CAST: variants seen among roughly 807,000 people sequenced by gnomAD.
CAST encodes calpastatin.
Under a neutral mutation model 119.6 loss-of-function variants are expected in CAST, and 76 were observed. The observed-to-expected ratio is 0.64, with a 90% CI of 0.53 to 0.77. The LOEUF (loss-of-function observed/expected upper bound fraction) is 0.77. CAST is among the 30% of genes least tolerant of loss of function. The pLI, the probability that CAST is intolerant of heterozygous loss-of-function variation, is 0.00. For synonymous variants in CAST, 319 were observed against 331.6 expected (o/e 0.96, Z 0.41); for missense variants, 953 against 946.5 (o/e 1.01, Z -0.09).
At chr5:96,095,281 A>G in the CAST span, among the ~76,000 whole-genome samples, 1 of 152,072 alleles carries the variant, frequency 6.6e-6, no homozygotes, top group Non-Finnish European at 1.5e-5. Context: ...AACACTTGTA[A>G]AAGTGTTCTA....
the CAST span, among the ~76,000 whole-genome samples, chr5:96,167,130 AC>A: frequency 1.3e-5 from 2 of 152,192 alleles, no homozygotes; most frequent in Non-Finnish European, 2.9e-5. Context: ...GTATTAAAGT[AC>A]TAAGAATTGG....
At chr5:96,718,007 C>T (rs1463158653) in intron 3 of CAST, among the ~76,000 whole-genome samples, 1 of 151,972 alleles carries the variant, frequency 6.6e-6, no homozygotes, top group Admixed American at 6.5e-5. Context: ...GTGATTAGAC[C>T]TGGAGTAGGG....
chr5:96,588,923 C>A (rs1429171567), intron 1 of CAST, among the ~76,000 whole-genome samples: 1 of 152,194 alleles, frequency 6.6e-6, no homozygotes, highest in Non-Finnish European at 1.5e-5. Flanking sequence ...TGGAATTCTG[C>A]AGTTAACATT....
At chr5:96,176,047 T>A in the CAST span, among the ~76,000 whole-genome samples, 1 of 152,192 alleles carries the variant, frequency 6.6e-6, no homozygotes, top group East Asian at 1.9e-4. Context: ...TCTAGCTCTA[T>A]TTTGGAGGCT....
chr5:96,087,545 T>A, the CAST span, among the ~76,000 whole-genome samples: 9 of 152,174 alleles, frequency 5.9e-5, no homozygotes, highest in Admixed American at 6.5e-5. Flanking sequence ...AAATCCAAAT[T>A]GAGCTGAATG....
chr5:96,217,344 T>A, the CAST span, among the ~76,000 whole-genome samples: 1 of 149,054 alleles, frequency 6.7e-6, no homozygotes, highest in African/African-American at 2.5e-5. Flanking sequence ...AGTGGCCAAA[T>A]TAAATTTTTT....
intron 1 of CAST, among the ~76,000 whole-genome samples, chr5:96,593,099 C>A (rs1746993832): frequency 6.6e-6 from 1 of 152,236 alleles, no homozygotes; most frequent in Non-Finnish European, 1.5e-5. Flanking sequence ...TCTTAAATCT[C>A]AGCTTCCTTT....
chr5:96,591,181 A>G (rs1746955918), intron 1 of CAST, among the ~76,000 whole-genome samples: 1 of 152,266 alleles, frequency 6.6e-6, no homozygotes, highest in South Asian at 2.1e-4. Flanking sequence ...AGCAAATAGC[A>G]CTTATGAAAC....
the CAST span, among the ~76,000 whole-genome samples, chr5:95,992,287 A>G: frequency 2.0e-5 from 3 of 152,222 alleles, no homozygotes; most frequent in Non-Finnish European, 4.4e-5. Flanking sequence ...AATCATTTCA[A>G]TTCCAATCAA....
chr5:96,239,038 T>G, the CAST span, among the ~76,000 whole-genome samples: 197 of 152,268 alleles, frequency 1.3e-3, no homozygotes, highest in African/African-American at 4.4e-3. Flanking sequence ...CCTACCAACT[T>G]TGGTGAGAGT....
At chr5:96,282,082 C>A in the CAST span, among the ~76,000 whole-genome samples, 1 of 146,852 alleles carries the variant, frequency 6.8e-6, no homozygotes, top group African/African-American at 2.5e-5. Context: ...GTGCTCACCC[C>A]CGTGGTGGTG....
chr5:96,557,364 A>G (rs1432564309), intron 1 of CAST, among the ~76,000 whole-genome samples: 1 of 152,072 alleles, frequency 6.6e-6, no homozygotes, highest in Non-Finnish European at 1.5e-5. Flanking sequence ...TAACAATATT[A>G]ACCTTAAATG....
chr5:96,092,038 A>G, the CAST span, among the ~76,000 whole-genome samples: 1 of 152,176 alleles, frequency 6.6e-6, no homozygotes, highest in African/African-American at 2.4e-5. Flanking sequence ...TAAATGAGTG[A>G]TGAATGAATG....
chr5:96,486,815 C>T, the CAST span, among the ~76,000 whole-genome samples: 1 of 152,174 alleles, frequency 6.6e-6, no homozygotes, highest in South Asian at 2.1e-4. Flanking sequence ...ATCCTGATCC[C>T]CAGGTAGCCT....
the CAST span, among the ~76,000 whole-genome samples, chr5:96,356,336 G>A: frequency 6.6e-6 from 1 of 152,074 alleles, no homozygotes; most frequent in South Asian, 2.1e-4. Context: ...TCTTTAGTTT[G>A]ATTAGATCCC....
intron 2 of CAST, among the ~76,000 whole-genome samples, chr5:96,694,376 G>A (rs912113104): frequency 4.6e-5 from 7 of 152,144 alleles, no homozygotes; most frequent in Admixed American, 3.9e-4. Flanking sequence ...GGTGGCTCAC[G>A]CCTGTAATCC....
chr5:96,265,669 C>T, the CAST span, among the ~76,000 whole-genome samples: 1 of 152,196 alleles, frequency 6.6e-6, no homozygotes, highest in East Asian at 1.9e-4. Flanking sequence ...CTCTCACAGA[C>T]ACACCCAGAA....
chr5:96,562,629 A>G (rs1396183951), intron 1 of CAST, among the ~76,000 whole-genome samples: 1 of 152,236 alleles, frequency 6.6e-6, no homozygotes, highest in African/African-American at 2.4e-5. Context: ...TTGCACATCT[A>G]TGAATTTTAC....
chr5:95,997,963 GTTTT>G, the CAST span, among the ~76,000 whole-genome samples: 1 of 93,650 alleles, frequency 1.1e-5, no homozygotes, highest in Admixed American at 1.3e-4. Flanking sequence ...TTGAGAGAGG[GTTTT>G]TTTTTTTTTT....
Sources: allele counts gnomAD v4.1 joint callset (sites outside exome capture counted in the v4.1 genomes callset), GRCh38; gene constraint gnomAD v4.1.1; transcripts MANE v1.5; gene names NCBI Gene and HGNC (gene_info 2026-07-23, HGNC 2026-07-21).